The following SORCS1 variants were observed in gnomAD, a reference collection of about 807,000 sequenced individuals.
The protein encoded by SORCS1 is VPS10 domain-containing receptor SorCS1.
Under a neutral mutation model 146.1 loss-of-function variants are expected in SORCS1, and 60 were observed. The observed-to-expected ratio is 0.41, with a 90% confidence interval of 0.33 to 0.51. SORCS1 has a LOEUF of 0.51. SORCS1 is among the 20% of genes least tolerant of loss of function. The pLI is 0.21. For synonymous variants in SORCS1, 637 were observed against 584.0 expected, an observed-to-expected ratio of 1.09 and a Z score of -1.31; for missense variants, 1,352 against 1,487.6, an observed-to-expected ratio of 0.91 and a Z score of 1.50.
At chr10:107,142,011 G>A (rs1158677190) in intron 1 of SORCS1, among the ~76,000 whole-genome samples, 1 of 152,190 alleles carries the variant, frequency 6.6e-6, no homozygotes, top group Non-Finnish European at 1.5e-5. Flanking sequence ...GGAGTGGGAA[G>A]ATAAAGTGGA....
At chr10:106,928,889 AT>A (rs953874138) in intron 2 of SORCS1, among the ~76,000 whole-genome samples, 73 of 142,354 alleles carry the variant, frequency 5.1e-4, no homozygotes, top group African/African-American at 7.4e-5. Context: ...GTATTTTTCC[AT>A]TTTTTAGTGA....
At chr10:106,967,606 C>T (rs547093572) in intron 1 of SORCS1, among the ~76,000 whole-genome samples, 2 of 152,306 alleles carry the variant, frequency 1.3e-5, no homozygotes, top group African/African-American at 4.8e-5. Flanking sequence ...GGGGGAGAAG[C>T]TGGCAACTTA....
At chr10:106,864,581 C>T (rs1430857511) in intron 2 of SORCS1, among the ~76,000 whole-genome samples, 33 of 152,146 alleles carry the variant, frequency 2.2e-4, no homozygotes, top group Non-Finnish European at 1.6e-4. Flanking sequence ...TCATATACAC[C>T]CTCAGGAAAA....
At chr10:107,165,292 A>AGAGTGTGTGTGTGTGTGTGTGT (rs113141732), upstream of SORCS1, among the ~76,000 whole-genome samples, 1 of 142,718 alleles carries the variant, frequency 7.0e-6, no homozygotes, top group African/African-American at 2.7e-5. The surrounding 1 kb of genome is among the most constrained non-coding windows in gnomAD (Gnocchi z 4.0). Context: ...CTCGTGTGTG[A>AGAGTGTGTGTGTGTGTGTGTGT]GTGTGTGTGT....
At chr10:106,598,537 G>T (rs1403418266) in intron 23 of SORCS1, among the ~76,000 whole-genome samples, 1 of 152,006 alleles carries the variant, frequency 6.6e-6, no homozygotes, top group African/African-American at 2.4e-5. Context: ...TAGGATTACA[G>T]GCATGAGCCA....
At chr10:106,584,529 T>C (rs1171052695) in intron 24 of SORCS1, among the ~76,000 whole-genome samples, 1 of 152,186 alleles carries the variant, frequency 6.6e-6, no homozygotes, top group African/African-American at 2.4e-5. Context: ...TAATATCTAA[T>C]GAGAGACTTT....
At chr10:107,065,810 T>C (rs7087262) in intron 1 of SORCS1, among the ~76,000 whole-genome samples, 9,117 of 151,940 alleles carry the variant, frequency 0.06, 837 homozygotes, top group African/African-American at 0.2. Flanking sequence ...GAGCCACCAC[T>C]CCCAGCCCTA....
intron 2 of SORCS1, among the ~76,000 whole-genome samples, chr10:106,922,213 G>A (rs1952749038): frequency 3.9e-5 from 6 of 152,118 alleles, no homozygotes; most frequent in Admixed American, 3.9e-4. Flanking sequence ...AATTTCAGAG[G>A]CGGGTTCCAG....
At chr10:107,028,496 G>T (rs1052399070) in intron 1 of SORCS1, among the ~76,000 whole-genome samples, 4 of 152,224 alleles carry the variant, frequency 2.6e-5, no homozygotes, top group African/African-American at 9.6e-5. Context: ...ACAATACAGT[G>T]TAAGTGAAAC....
intron 3 of SORCS1, among the ~76,000 whole-genome samples, chr10:106,781,032 A>C (rs1213151671): frequency 1.3e-5 from 2 of 151,970 alleles, no homozygotes; most frequent in Non-Finnish European, 2.9e-5. Flanking sequence ...TCAAAAATTA[A>C]ATGCACTTTC....
intron 1 of SORCS1, among the ~76,000 whole-genome samples, chr10:106,964,115 G>A (rs988507678): frequency 6.6e-6 from 1 of 152,182 alleles, no homozygotes; most frequent in Non-Finnish European, 1.5e-5. Context: ...AGCTCAGAGA[G>A]CATTAAGAAA....
intron 3 of SORCS1, among the ~76,000 whole-genome samples, chr10:106,784,014 G>T (rs1296816070): frequency 6.6e-6 from 1 of 152,078 alleles, no homozygotes; most frequent in East Asian, 1.9e-4. Flanking sequence ...TTTTACTGGA[G>T]AAATTGCTAT....
intron 5 of SORCS1, among the ~76,000 whole-genome samples, chr10:106,759,156 G>A (rs1048614522): frequency 1.3e-5 from 2 of 152,294 alleles, no homozygotes; most frequent in African/African-American, 4.8e-5. Context: ...ATATAAAAGC[G>A]AAAGAATTGG....
intron 7 of SORCS1, among the ~76,000 whole-genome samples, chr10:106,708,420 T>C (rs1346752854): frequency 6.6e-6 from 1 of 152,224 alleles, no homozygotes; most frequent in Non-Finnish European, 1.5e-5. Flanking sequence ...TCTTTATATA[T>C]ATATATGTAT....
intron 18 of SORCS1, 60 bp from the exon 19 acceptor site, chr10:106,629,448 G>T: frequency 6.4e-7 from 1 of 1,563,892 alleles, no homozygotes; most frequent in East Asian, 2.3e-5. Context: ...CTGCCTAGGG[G>T]ACTGGGGACT....
intron 1 of SORCS1, among the ~76,000 whole-genome samples, chr10:107,145,106 T>G (rs1367363436): frequency 6.6e-6 from 1 of 152,188 alleles, no homozygotes; most frequent in African/African-American, 2.4e-5. Context: ...TCTGCTTATG[T>G]CCATCAGCAA....
Position 106,957,436 on chromosome 10 carries a change from T to C in SORCS1, c.559-856A>G, listed in dbSNP as rs540216246. 1.1e-4 allele frequency among the ~76,000 whole-genome samples: 16 copies of C among 152,198 alleles called. No individual in the cohort carries two copies. In the South Asian group the frequency reaches 2.5e-3, roughly 24 times the overall value. On this transcript the variant is annotated intron_variant, in intron 1 of 25. Transcript: ENST00000263054. The stretch of plus-strand genomic sequence containing the variant: ...ATCCACCTGCCTCAGCCTCTCAAAG[T>C]GCTGGGATTACAGGTGTGAGCCACC...
chr10:106,694,811 T>A (rs574657404), intron 9 of SORCS1, among the ~76,000 whole-genome samples: 9 of 152,296 alleles, frequency 5.9e-5, no homozygotes, highest in African/African-American at 2.2e-4. Flanking sequence ...CACATTCTTG[T>A]GTATTCTGAA....
At chr10:106,827,360 C>A (rs1948349684) in intron 3 of SORCS1, among the ~76,000 whole-genome samples, 2 of 152,074 alleles carry the variant, frequency 1.3e-5, no homozygotes, top group Admixed American at 1.3e-4. Flanking sequence ...CCCAGAGTCA[C>A]CTGTTAGGTG....
Sources: gnomAD v4.1 joint callset for allele counts (sites outside exome capture counted in the v4.1 genomes callset) on GRCh38, gnomAD v4.1.1 for gene constraint, Gnocchi (gnomAD v3.1) non-coding constraint, MANE v1.5 for transcripts, NCBI Gene and HGNC (gene_info 2026-07-23, HGNC 2026-07-21) for gene names.